Variants in PTPRT observed in about 807,000 individuals in gnomAD.
PTPRT encodes the protein receptor-type tyrosine-protein phosphatase T.
A neutral mutation model predicts 176.8 loss-of-function variants in PTPRT; 56 were observed. The observed-to-expected ratio is 0.32, with a 90% CI of 0.26 to 0.40. The LOEUF (loss-of-function observed/expected upper bound fraction) is 0.40. Among genes scored for constraint, PTPRT ranks in the 10% least tolerant of loss-of-function variants. PTPRT has a pLI of 1.00. For missense variants in PTPRT, 1,540 were observed against 1,908.2 expected, an observed-to-expected ratio of 0.81 and a Z score of 3.60; for synonymous variants, 783 against 739.0, an observed-to-expected ratio of 1.06 and a Z score of -0.96.
intron 1 of PTPRT, among the ~76,000 whole-genome samples, chr20:43,156,808 G>A (rs1267073999): frequency 6.6e-6 from 1 of 152,194 alleles, no homozygotes; most frequent in African/African-American, 2.4e-5. Flanking sequence ...TGAGATCATT[G>A]AGAGACACCA....
intron 26 of PTPRT, 126 bp from the exon 27 acceptor site, chr20:42,098,678 T>C: frequency 2.4e-6 from 3 of 1,261,198 alleles, no homozygotes; most frequent in Non-Finnish European, 3.2e-6. Context: ...AACACCTGCC[T>C]GTTCTTTTAT....
chr20:43,079,378 C>T (rs919226659), intron 1 of PTPRT, among the ~76,000 whole-genome samples: 1 of 152,088 alleles, frequency 6.6e-6, no homozygotes, highest in Non-Finnish European at 1.5e-5. Flanking sequence ...TAAGTAGTTA[C>T]TCATGAATAT....
chr20:42,253,104 C>T lies in PTPRT; in HGVS notation c.2177-4282G>A, dbSNP rs570446690. Reference sequence around the variant, plus strand: ...TGGACTAAAGGCAAGACAGCATCCACGTGTGACTCCCATATCTGAGGGATG... The same window carrying T: ...TGGACTAAAGGCAAGACAGCATCCATGTGTGACTCCCATATCTGAGGGATG... On this transcript the variant is annotated intron_variant, in intron 13 of 30. Coordinates refer to ENST00000373187, the MANE Select transcript of PTPRT (RefSeq NM_007050.6). Among the ~76,000 whole-genome samples the T allele has an allele frequency of 8.1e-4, 124 of 152,266 alleles. 1 individual carries two copies. Among genetic ancestry groups the T allele is most frequent in the South Asian group, 4.6e-3 (22 of 4,820 alleles).
chr20:43,009,521 G>A (rs1365435282), intron 1 of PTPRT, among the ~76,000 whole-genome samples: 1 of 152,188 alleles, frequency 6.6e-6, no homozygotes, highest in Non-Finnish European at 1.5e-5. Context: ...CTGCAGAAGT[G>A]AGAGGGGCAC....
intron 5 of PTPRT, among the ~76,000 whole-genome samples, chr20:42,765,238 G>C (rs963008989): frequency 6.6e-6 from 1 of 152,196 alleles, no homozygotes; most frequent in Non-Finnish European, 1.5e-5. Context: ...AGGGAGGCCT[G>C]AGAGTCAGCT....
rs118074549 is a variant in PTPRT, at chr20:42,903,493, G to A, written c.89-17561C>T. The stretch of plus-strand genomic sequence containing the variant: ...GGGTTCCATACAGTCAATTAAACTC[G>A]ATAATAGCATCCGGCGTTCTATAAA... On this transcript the variant is annotated intron_variant, in intron 1 of 30. Coordinates refer to ENST00000373187, the MANE Select transcript of PTPRT (RefSeq NM_007050.6). Among the ~76,000 whole-genome samples the A allele has an allele frequency of 5.1e-3, 771 of 152,286 alleles. 4 individuals are homozygous for A. Among genetic ancestry groups the A allele is most frequent in the Non-Finnish European group, 8.0e-3 (543 of 68,032 alleles).
intron 15 of PTPRT, among the ~76,000 whole-genome samples, chr20:42,220,062 T>C (rs957503428): frequency 6.7e-6 from 1 of 149,684 alleles, no homozygotes. Flanking sequence ...TTTTTCAACA[T>C]ATAAAAATCG....
chr20:42,630,343 GA>G (rs2074380336), intron 7 of PTPRT, among the ~76,000 whole-genome samples: 1 of 152,146 alleles, frequency 6.6e-6, no homozygotes, highest in African/African-American at 2.4e-5. Flanking sequence ...CAGAAGGCCA[GA>G]AGATAATAAA....
intron 1 of PTPRT, among the ~76,000 whole-genome samples, chr20:42,891,298 C>T (rs1038657595): frequency 6.6e-6 from 1 of 152,178 alleles, no homozygotes; most frequent in African/African-American, 2.4e-5. Context: ...TGGTGAAGAT[C>T]CACATAATTG....
In PTPRT at chr20:42,076,224, A is replaced by G. The variant is rs566501178; in HGVS notation, c.*4655T>C. On this transcript the variant is annotated 3_prime_UTR_variant, in exon 31 of 31. Coordinates refer to ENST00000373187, the MANE Select transcript of PTPRT (RefSeq NM_007050.6). ...CTCCAAGGTGCTAGGTGCTGTAGGC[A>G]CCCAGTAATTATGTGTGGCTAGGGT... is the stretch of plus-strand genomic sequence containing the variant. 1.5e-5 allele frequency: 3 copies of G among 206,524 alleles called. No individual in the cohort carries two copies. The South Asian group carries it at 5.6e-4, about 39-fold the overall frequency. The allele number at this position is 206,524 out of a possible 1,614,324, so 12.8% of individuals were successfully genotyped here.
At chr20:42,603,463 A>T (rs1243961412) in intron 7 of PTPRT, among the ~76,000 whole-genome samples, 2 of 152,218 alleles carry the variant, frequency 1.3e-5, no homozygotes, top group African/African-American at 2.4e-5. Context: ...AAATAAGGCC[A>T]GTACGGCTGG....
At chr20:42,225,674 A>G (rs2055990680) in intron 15 of PTPRT, among the ~76,000 whole-genome samples, 1 of 152,190 alleles carries the variant, frequency 6.6e-6, no homozygotes, top group Non-Finnish European at 1.5e-5. Flanking sequence ...TATTTTAGAC[A>G]AAATCTCACT....
intron 27 of PTPRT, among the ~76,000 whole-genome samples, chr20:42,087,830 G>A (rs1352661289): frequency 3.8e-5 from 5 of 131,552 alleles, no homozygotes; most frequent in South Asian, 2.4e-4. Flanking sequence ...TGGAGATCAC[G>A]CCACTGTACT....
intron 1 of PTPRT, among the ~76,000 whole-genome samples, chr20:42,900,497 C>T (rs2079385036): frequency 6.6e-6 from 1 of 152,154 alleles, no homozygotes; most frequent in South Asian, 2.1e-4. Flanking sequence ...TCCTTGAGTT[C>T]TGACTGGCTA....
At chr20:42,538,858 T>C (rs1251498574) in intron 7 of PTPRT, among the ~76,000 whole-genome samples, 1 of 152,170 alleles carries the variant, frequency 6.6e-6, no homozygotes, top group Non-Finnish European at 1.5e-5. Context: ...CACTCATTTC[T>C]CCATGTTGTT....
At chr20:42,515,410 G>A (rs1420714789) in intron 7 of PTPRT, among the ~76,000 whole-genome samples, 1 of 152,162 alleles carries the variant, frequency 6.6e-6, no homozygotes, top group African/African-American at 2.4e-5. Context: ...TTGAACTCAG[G>A]AGGGTGTGGT....
chr20:42,037,755 G>A, the PTPRT span, among the ~76,000 whole-genome samples: 3 of 152,168 alleles, frequency 2.0e-5, no homozygotes, highest in African/African-American at 7.2e-5. Context: ...GTGATGTGAA[G>A]ATAGATAACT....
chr20:42,896,635 C>CAAAA (rs58679220), intron 1 of PTPRT, among the ~76,000 whole-genome samples: 1 of 72,326 alleles, frequency 1.4e-5, no homozygotes, highest in African/African-American at 4.4e-5. Context: ...AACTCCGTCT[C>CAAAA]AAAAAAAAAA....
chr20:42,316,765 T>C (rs138741111), intron 11 of PTPRT, among the ~76,000 whole-genome samples: 1 of 152,324 alleles, frequency 6.6e-6, no homozygotes, highest in African/African-American at 2.4e-5. Context: ...TGACTTATGC[T>C]TCCTCTACCT....
Sources: allele counts gnomAD v4.1 joint callset (sites outside exome capture counted in the v4.1 genomes callset), GRCh38; gene constraint gnomAD v4.1.1; transcripts MANE v1.5; gene names NCBI Gene and HGNC (gene_info 2026-07-23, HGNC 2026-07-21).